The following A2M variants were observed in gnomAD, a reference collection of about 807,000 sequenced individuals.
A2M encodes the protein C3 and PZP-like alpha-2-macroglobulin domain-containing protein 5.
A neutral mutation model predicts 183.9 loss-of-function variants in A2M; 128 were observed. The observed-to-expected ratio is 0.70, with a 90% confidence interval of 0.60 to 0.81. The LOEUF is 0.81. A2M is among the 30% of genes least tolerant of loss of function. The pLI, the probability that A2M is intolerant of heterozygous loss-of-function variation, is 0.00. For synonymous variants in A2M, 592 were observed against 670.8 expected (o/e 0.88, Z 1.81); for missense variants, 1,495 against 1,787.6 (o/e 0.84, Z 2.95).
intron 11 of A2M, among the ~76,000 whole-genome samples, chr12:9,102,934 G>A (rs1937997237): frequency 6.6e-6 from 1 of 151,990 alleles, no homozygotes; most frequent in African/African-American, 2.4e-5. Context: ...ACTCTAAAGA[G>A]GCAGGCGTTT....
Position 9,099,427 on chromosome 12 carries a change from A to G in A2M, c.1655T>C (p.Ile552Thr), listed in dbSNP as rs200177356. ...IYAVLPTGDV[I>T]GDSAKYDVEN... ...AACATCATATTTTGCAGAATCCCCA[A>G]TCACGTCCCCGGTAGGTAAAACAGC... The change falls in exon 14 of 36, where the codon ATT becomes ACT. Residue 552 changes from isoleucine (I) to threonine (T), a missense_variant. Transcript: ENST00000318602. The G allele has an allele frequency of 1.6e-5, 26 of 1,587,270 alleles. No individual in the cohort carries two copies. The highest frequency in any genetic ancestry group is 1.6e-4 in the African/African-American group (12 of 74,432).
intron 1 of A2M, 96 bp downstream of exon 1, chr12:9,115,668 A>G: frequency 1.1e-6 from 1 of 879,350 alleles, no homozygotes; most frequent in South Asian, 1.5e-5. Context: ...AGAAGATGAC[A>G]GTATCATAGG....
chr12:9,109,727 G>T, intron 6 of A2M, 140 bp downstream of exon 6: 3 of 800,762 alleles, frequency 3.7e-6, no homozygotes, highest in Non-Finnish European at 5.9e-6. Context: ...TGTCCTCATT[G>T]GACTTAGGTG....
At chr12:9,073,433 T>G (rs1281067671) in intron 29 of A2M, among the ~76,000 whole-genome samples, 1 of 152,244 alleles carries the variant, frequency 6.6e-6, no homozygotes, top group Non-Finnish European at 1.5e-5. Flanking sequence ...TTTTATTGGA[T>G]GATTTCCTGT....
chr12:9,077,453 A>G lies in A2M; in HGVS notation c.3277-33T>C, dbSNP rs192118621. ...TACGAGAGAGAGATCTGAATAATTCAACTTCTGAGAATGCTATTGATTAGT... is the reference window on the plus strand; with the variant it reads ...TACGAGAGAGAGATCTGAATAATTCGACTTCTGAGAATGCTATTGATTAGT... On this transcript the variant is annotated intron_variant, in intron 26 of 35. Transcript: ENST00000318602. The G allele has an allele frequency of 2.5e-6, 4 of 1,582,028 alleles. No homozygotes were observed. In the East Asian group the frequency reaches 9.0e-5, roughly 36 times the overall value.
In A2M at chr12:9,095,708, A is replaced by T. The variant is rs1949354035; in HGVS notation, c.1852-8T>A. The stretch of plus-strand genomic sequence containing the variant: ...TGGTAGCAGGTTGTAAACCTGTACA[A>T]ATACGAAAGACAAAAAGGCAAACTT... On this transcript the variant is annotated splice_region_variant and splice_polypyrimidine_tract_variant and intron_variant, in intron 15 of 35. Coordinates refer to ENST00000318602, the MANE Select transcript of A2M (RefSeq NM_000014.6). The T allele has an allele frequency of 4.5e-6, 7 of 1,561,354 alleles. No homozygotes were observed. The East Asian group carries it at 1.6e-4, about 35-fold the overall frequency.
At chr12:9,078,505 G>A (rs911830698) in intron 25 of A2M, among the ~76,000 whole-genome samples, 2 of 152,172 alleles carry the variant, frequency 1.3e-5, no homozygotes, top group African/African-American at 4.8e-5. Context: ...AAACATACAT[G>A]TGCATGTGTC....
chr12:9,107,938 G>C (rs1592389579), intron 7 of A2M, among the ~76,000 whole-genome samples: 1 of 150,656 alleles, frequency 6.6e-6, no homozygotes, highest in South Asian at 2.1e-4. Flanking sequence ...GTTCTTAAAA[G>C]AGAAACAATA....
At chr12:9,085,731 AAGAC>A (rs1235236791) in intron 22 of A2M, among the ~76,000 whole-genome samples, 3 of 152,202 alleles carry the variant, frequency 2.0e-5, no homozygotes, top group South Asian at 2.1e-4. Context: ...TTTTTTTAAA[AAGAC>A]AGACAAAAAC....
intron 15 of A2M, among the ~76,000 whole-genome samples, chr12:9,097,489 T>G (rs747242134): frequency 5.3e-5 from 8 of 152,206 alleles, no homozygotes; most frequent in Non-Finnish European, 7.3e-5. Flanking sequence ...TTCTATTAGC[T>G]CCATATTTTC....
At chr12:9,082,716 A>T (rs1948942480) in intron 22 of A2M, among the ~76,000 whole-genome samples, 1 of 152,232 alleles carries the variant, frequency 6.6e-6, no homozygotes, top group Admixed American at 6.5e-5. Flanking sequence ...AGAAATAAAG[A>T]TCTATGAAAT....
Position 9,091,291 on chromosome 12 carries a change from A to G in A2M, c.2379T>C (p.Phe793=), listed in dbSNP as rs1949205327. 1 of 1,614,194 alleles carries G rather than the reference A, an allele frequency of 6.2e-7. No individual in the cohort carries two copies. Among genetic ancestry groups the G allele is most frequent in the East Asian group, 2.2e-5 (1 of 44,876 alleles). ...CAGAGTAAGGCATTGTGAGCTCCAC[A>G]AAGAAGGGCTGGAAGGCTCGGAGAG... ...TASLRAFQPF[F]VELTMPYSVI... is the part of the protein sequence containing the mutation. Residue 793 remains phenylalanine (F), a synonymous_variant, in exon 19 of 36, where the codon TTT becomes TTC. Coordinates refer to ENST00000318602, the MANE Select transcript of A2M (RefSeq NM_000014.6).
Position 9,093,454 on chromosome 12 carries a change from A to G in A2M, c.2240+11T>C, listed in dbSNP as rs1949270827. The G allele has an allele frequency of 2.5e-6, 4 of 1,592,032 alleles. No homozygotes were observed. In the Admixed American group the frequency reaches 6.7e-5, roughly 27 times the overall value. ...TATTGTTGCATATTGCATATGCAGG[A>G]AGTTACTTACTTTACCACCACCAAA... On this transcript the variant is annotated intron_variant, in intron 18 of 35. Coordinates refer to ENST00000318602, the MANE Select transcript of A2M (RefSeq NM_000014.6).
In A2M at chr12:9,075,700, CAT is replaced by C. The variant is rs376881362; in HGVS notation, c.3533-919_3533-918del. ...ATCTTGTTTCTCTCAAGATGAAACA[CAT>C]GTGAAGATTCTAAATATTAGTTAGG... On this transcript the variant is annotated intron_variant, in intron 28 of 35. Transcript: ENST00000318602. Among the ~76,000 whole-genome samples, 425 of 152,254 alleles carry C rather than the reference CAT, an allele frequency of 2.8e-3. 2 individuals are homozygous for C. The highest frequency in any genetic ancestry group is 9.8e-3 in the African/African-American group (406 of 41,542).
At position 9,097,000 on chromosome 12, in the gene A2M, A is replaced by G. The variant is rs1475408732; in HGVS notation, c.1852-1300T>C. Among the ~76,000 whole-genome samples, 13 of 152,222 alleles carry G rather than the reference A, an allele frequency of 8.5e-5. 1 individual carries two copies. The highest frequency in any genetic ancestry group is 1.2e-4 in the Non-Finnish European group (8 of 68,030). On this transcript the variant is annotated intron_variant, in intron 15 of 35. Transcript: ENST00000318602. ...GTAAGACACTAATCAAAGCTTGAGA[A>G]GAGTTGGTGTTTTAACTCAGGTCTA...
chr12:9,109,633 G>A (rs2137952978), intron 6 of A2M, among the ~76,000 whole-genome samples: 1 of 152,246 alleles, frequency 6.6e-6, no homozygotes, highest in South Asian at 2.1e-4. Context: ...ATTAAAACAA[G>A]AATGTTTTAA....
Position 9,074,893 on chromosome 12 carries a change from C to T in A2M, c.3533-110G>A, listed in dbSNP as rs558778696. On this transcript the variant is annotated intron_variant, in intron 28 of 35. Coordinates refer to ENST00000318602, the MANE Select transcript of A2M (RefSeq NM_000014.6). The stretch of plus-strand genomic sequence containing the variant: ...GAGAATTGCATGCCCATTATAATCC[C>T]CTGTACTGTATGTAGATGCTTTTCC... The T allele has an allele frequency of 7.9e-6, 9 of 1,139,844 alleles. No homozygotes were observed. In the South Asian group the frequency reaches 1.1e-4, roughly 14 times the overall value. 70.6% of individuals were successfully genotyped at this position (1,139,844 alleles called of 1,614,324 possible). A position where few individuals can be genotyped will look rare whatever the true frequency, so the allele number is the denominator to read the frequency against.
At chr12:9,105,231 T>C (rs1938193551) in intron 10 of A2M, among the ~76,000 whole-genome samples, 1 of 152,194 alleles carries the variant, frequency 6.6e-6, no homozygotes. Context: ...AATCTAAGTT[T>C]GCCAGTGAAA....
Position 9,090,249 on chromosome 12 carries a change from G to T in A2M, c.2596+107C>A, listed in dbSNP as rs962179969. On this transcript the variant is annotated intron_variant, in intron 20 of 35. Transcript: ENST00000318602. ...GAATAAAAGGCAAAGGAAAAAAATCGCAGCATCTAGTGGTCTTTTCCTGAA... is the reference window on the plus strand; with the variant it reads ...GAATAAAAGGCAAAGGAAAAAAATCTCAGCATCTAGTGGTCTTTTCCTGAA... 8.5e-5 allele frequency: 130 copies of T among 1,532,286 alleles called. 1 individual carries two copies. The South Asian group carries it at 1.5e-3, about 17-fold the overall frequency. The allele number at this position is 1,532,286 out of a possible 1,614,324, so 94.9% of individuals were successfully genotyped here.
Sources: gnomAD v4.1 joint callset for allele counts (sites outside exome capture counted in the v4.1 genomes callset) on GRCh38, gnomAD v4.1.1 for gene constraint, MANE v1.5 for transcripts, NCBI Gene and HGNC (gene_info 2026-07-23, HGNC 2026-07-21) for gene names.